The following USP36 variants were observed in gnomAD, a reference collection of about 807,000 sequenced individuals.
USP36 encodes ubiquitin carboxyl-terminal hydrolase 36.
In USP36, 59 loss-of-function variants were observed where a neutral mutation model predicts 111.5. The ratio of observed to expected loss-of-function variants is 0.53; its 90% CI spans 0.43 to 0.66. USP36 has a LOEUF of 0.66. Ranked by LOEUF, USP36 falls within the 30% of genes least tolerant of loss-of-function variation. USP36 has a pLI of 0.00. For synonymous variants in USP36, 628 were observed against 581.0 expected (o/e 1.08, Z -1.16); for missense variants, 1,488 against 1,468.0 (o/e 1.01, Z -0.22).
At chr17:78,834,571 C>T (rs567010986) in intron 4 of USP36, among the ~76,000 whole-genome samples, 5 of 152,064 alleles carry the variant, frequency 3.3e-5, no homozygotes, top group South Asian at 2.1e-4. Flanking sequence ...TTCAGCCTCC[C>T]GAGCAGCTGG....
In USP36 at chr17:78,827,309, C is replaced by T; in HGVS notation, c.625G>A (p.Ala209Thr). 1 of 1,613,640 alleles carries T rather than the reference C, an allele frequency of 6.2e-7. No homozygotes were observed. The change falls in exon 6 of 21, where the codon GCG becomes ACG. Residue 209 changes from alanine (A) to threonine (T), a missense_variant. Ala to Thr is a moderately conservative substitution (Grantham distance 58). Coordinates refer to ENST00000449938, the MANE Select transcript of USP36 (RefSeq NM_001385174.1). ...ATGGTGTACCGCAGGAACTCATGCGCGTCCTCCTGGTTCCCAAAGCGGAAG... is the reference window on the plus strand; with the variant it reads ...ATGGTGTACCGCAGGAACTCATGCGTGTCCTCCTGGTTCCCAAAGCGGAAG... ...RHFRFGNQED[A>T]HEFLRYTIDA...
chr17:78,838,960 T>C (rs938643303), intron 1 of USP36, among the ~76,000 whole-genome samples: 2 of 152,104 alleles, frequency 1.3e-5, no homozygotes, highest in Non-Finnish European at 2.9e-5. Context: ...CACCTTAACC[T>C]TGACCCCAGA....
intron 15 of USP36, among the ~76,000 whole-genome samples, chr17:78,804,508 A>C (rs1374960304): frequency 8.4e-5 from 11 of 130,994 alleles, no homozygotes; most frequent in Non-Finnish European, 8.4e-5. Context: ...AAAAAAAAAA[A>C]CAAAGTTACC....
rs2068660211 is a variant in USP36, at chr17:78,836,297, C to T, written c.67G>A (p.Glu23Lys). The T allele has an allele frequency of 1.2e-6, 2 of 1,614,078 alleles. No individual in the cohort carries two copies. The highest frequency in any genetic ancestry group is 1.7e-6 in the Non-Finnish European group (2 of 1,180,038). The change falls in exon 3 of 21, where the codon GAA becomes AAA. Residue 23 changes from glutamate (E) to lysine (K), a missense_variant. Glu to Lys is a moderately conservative substitution (Grantham distance 56). Around this residue, in one of 3 missense-constraint regions of USP36, gnomAD observed 219 missense variants for 209.5 expected, o/e 1.05. Transcript: ENST00000449938. ...GAGGAGGCAAGAAGCTTCCCCAGTT[C>T]TCCATCATCAGCCGAGTCCTTGCGG... ...PGRKDSADDG[E>K]LGKLLASSAK...
chr17:78,834,238 C>CT (rs2068430795), intron 4 of USP36, among the ~76,000 whole-genome samples: 1 of 146,448 alleles, frequency 6.8e-6, no homozygotes. Flanking sequence ...CAGAGTCCGT[C>CT]TCAAAAAAAA....
chr17:78,790,225 GATTAC>G (rs1471803866), intron 3 of USP36, among the ~76,000 whole-genome samples: 1 of 151,966 alleles, frequency 6.6e-6, no homozygotes, highest in Non-Finnish European at 1.5e-5. Context: ...GAATAGCTGG[GATTAC>G]AGGCACCCAC....
intron 14 of USP36, 68 bp from the exon 15 acceptor site, chr17:78,806,354 C>T: frequency 2.6e-6 from 4 of 1,558,168 alleles, no homozygotes; most frequent in Non-Finnish European, 2.6e-6. Flanking sequence ...AGAGGGAAAA[C>T]AAAAGTAACA....
In USP36 at chr17:78,806,195, T is replaced by C. The variant is rs1598996390; in HGVS notation, c.2177A>G (p.His726Arg). The change falls in exon 15 of 21, where the codon CAC (histidine) becomes CGC (arginine). Residue 726 changes from histidine (H) to arginine (R), a missense_variant. By Grantham distance (29) the His-to-Arg change is conservative (BLOSUM62 0). Around this residue, in one of 3 missense-constraint regions of USP36, gnomAD observed 1,073 missense variants for 994.1 expected, o/e 1.08. Coordinates refer to ENST00000449938, the MANE Select transcript of USP36 (RefSeq NM_001385174.1). ...GGGCCAAGTGGAGGCAACGACGGGG[T>C]GAGAGGTTTTCATGGGGTGGGTGAG... ...SDLTHPMKTS[H>R]PVVASTWPVH... The C allele has an allele frequency of 1.2e-6, 2 of 1,612,132 alleles. No homozygotes were observed. Among genetic ancestry groups the C allele is most frequent in the African/African-American group, 1.3e-5 (1 of 74,572 alleles).
At chr17:78,829,044 A>G (rs1156823289) in intron 4 of USP36, 37 bp from the exon 5 acceptor site, 1 of 1,590,366 alleles carries the variant, frequency 6.3e-7, no homozygotes, top group Non-Finnish European at 8.6e-7. Context: ...TTAAGACAAG[A>G]GCTTTCAAAG....
At chr17:78,793,392 CGAA>C (rs2093598992), downstream of USP36, among the ~76,000 whole-genome samples, 1 of 152,120 alleles carries the variant, frequency 6.6e-6, no homozygotes, top group Admixed American at 6.6e-5. Flanking sequence ...CAGAGCCCAA[CGAA>C]GAAGGGCAGC....
intron 18 of USP36, among the ~76,000 whole-genome samples, chr17:78,799,326 T>C (rs2093684852): frequency 6.6e-6 from 1 of 152,164 alleles, no homozygotes; most frequent in African/African-American, 2.4e-5. Context: ...GAAGTCTGAA[T>C]AAAAACATGC....
intron 18 of USP36, 140 bp from the exon 19 acceptor site, chr17:78,799,163 C>T: frequency 1.2e-6 from 1 of 836,258 alleles, no homozygotes; most frequent in Non-Finnish European, 1.9e-6. Context: ...AAGAGAAGGA[C>T]AAGAGGAGGA....
rs758416389 is a variant in USP36 at position 78,836,365 on chromosome 17, G to C, written c.-2C>G. The C allele has an allele frequency of 6.2e-7, 1 of 1,613,488 alleles. No homozygotes were observed. The highest frequency in any genetic ancestry group is 8.5e-7 in the Non-Finnish European group (1 of 1,179,682). On this transcript the variant is annotated 5_prime_UTR_variant, in exon 3 of 21. Transcript: ENST00000449938. ...CTTCAACTTATCCACTATTGGCATGGTGCATCACTGTGGGGACAAGAAGAA... is the reference window on the plus strand; with the variant it reads ...CTTCAACTTATCCACTATTGGCATGCTGCATCACTGTGGGGACAAGAAGAA...
At chr17:78,820,364 C>G (rs1191298654) in intron 8 of USP36, among the ~76,000 whole-genome samples, 3 of 152,142 alleles carry the variant, frequency 2.0e-5, no homozygotes, top group Non-Finnish European at 4.4e-5. Context: ...GTAGTACCAG[C>G]TGTGTGGGAG....
At chr17:78,811,782 C>T (rs557155105) in intron 13 of USP36, among the ~76,000 whole-genome samples, 57 of 152,114 alleles carry the variant, frequency 3.7e-4, no homozygotes, top group Non-Finnish European at 5.3e-4. Flanking sequence ...GCAGGAGAAT[C>T]GCTTGAACCT....
chr17:78,827,435 G>A, intron 5 of USP36, 88 bp from the exon 6 acceptor site: 2 of 1,283,168 alleles, frequency 1.6e-6, no homozygotes, highest in Non-Finnish European at 2.1e-6. Context: ...ATTCCTGGCT[G>A]TTATAAGGGG....
Position 78,836,345 on chromosome 17 carries a change from A to G in USP36, c.19T>C (p.Leu7=), listed in dbSNP as rs764359530. The G allele has an allele frequency of 1.1e-5, 18 of 1,614,012 alleles. No homozygotes were observed. The South Asian group carries it at 1.9e-4, about 17-fold the overall frequency. ...CGGCCGGGTTTCAGGGCCTCCTTCA[A>G]CTTATCCACTATTGGCATGGTGCAT... is the stretch of plus-strand genomic sequence containing the variant. MPIVDK[L]KEALKPGRKD... is the part of the protein sequence containing the mutation. The change falls in exon 3 of 21, where the codon TTG becomes CTG. Residue 7 remains leucine (L), a synonymous_variant. Transcript: ENST00000449938.
Position 78,812,714 on chromosome 17 carries a change from A to AG in USP36, c.1407+145_1407+146insC, listed in dbSNP as rs1358500455. ...TCTGTCTCGAAAAAAAAAAAAAAAA[A>AG]AAAAGAAAAGAAAAGAAATAACATC... On this transcript the variant is annotated intron_variant, in intron 13 of 20. Coordinates refer to ENST00000449938, the MANE Select transcript of USP36 (RefSeq NM_001385174.1). 1.4e-5 allele frequency: 12 copies of AG among 868,650 alleles called. 1 individual carries two copies. Among genetic ancestry groups the AG allele is most frequent in the South Asian group, 1.3e-4 (5 of 38,034 alleles). The allele number at this position is 868,650 out of a possible 1,614,324, so 53.8% of individuals were successfully genotyped here. A position where few individuals can be genotyped will look rare whatever the true frequency, so the allele number is the denominator to read the frequency against.
In USP36 at chr17:78,807,532, G is replaced by C; in HGVS notation, c.1512C>G (p.Cys504Trp). 1.2e-6 allele frequency: 2 copies of C among 1,613,682 alleles called. No homozygotes were observed. The highest frequency in any genetic ancestry group is 8.5e-7 in the Non-Finnish European group (1 of 1,179,768). ...ACCCCGAGGGCAGCTTTGGAGGAAT[G>C]CAGCCGTTCTGGGACTTCAGGCCCA... The part of the protein sequence containing the change: ...STLGLKSQNG[C>W]IPPKLPSGSP... The change falls in exon 14 of 21, where the codon TGC becomes TGG. Residue 504 changes from cysteine to tryptophan, a missense_variant. Cys to Trp is a radical substitution (Grantham distance 215, BLOSUM62 -2). This residue lies in a region of USP36 where 1,073 missense variants were observed against 994.1 expected (regional missense o/e 1.08). Transcript: ENST00000449938.
Sources: allele counts gnomAD v4.1 joint callset (sites outside exome capture counted in the v4.1 genomes callset), GRCh38; gene constraint gnomAD v4.1.1; regional missense constraint gnomAD v4.1.1; transcripts MANE v1.5; gene names NCBI Gene and HGNC (gene_info 2026-07-23, HGNC 2026-07-21).